Variants in CLIC5 observed in about 807,000 individuals in gnomAD.
CLIC5 encodes the protein chloride intracellular channel protein 5.
CLIC5 carries 20 observed loss-of-function variants against 24.7 expected under a neutral mutation model. That is an observed-to-expected ratio of 0.81 (90% CI 0.57 to 1.18). The LOEUF (loss-of-function observed/expected upper bound fraction) is 1.18. Ranked by LOEUF, CLIC5 falls within the 50% of genes most tolerant of loss-of-function variation. The pLI is 0.00. For synonymous variants in CLIC5, 159 were observed against 135.6 expected, an observed-to-expected ratio of 1.17 and a Z score of -1.20; for missense variants, 341 against 326.1, an observed-to-expected ratio of 1.05 and a Z score of -0.35.
At chr6:45,942,015 G>T (rs996271706) in intron 3 of CLIC5, among the ~76,000 whole-genome samples, 1 of 152,126 alleles carries the variant, frequency 6.6e-6, no homozygotes, top group Non-Finnish European at 1.5e-5. Flanking sequence ...ATCTGGTAGG[G>T]TTCTCAACAC....
the CLIC5 span, among the ~76,000 whole-genome samples, chr6:46,088,479 G>A: frequency 6.6e-6 from 1 of 152,014 alleles, no homozygotes; most frequent in East Asian, 1.9e-4. Flanking sequence ...TTTATATCAA[G>A]AAGATTTCTT....
chr6:45,927,595 G>A (rs1208685631), intron 4 of CLIC5, among the ~76,000 whole-genome samples: 2 of 152,144 alleles, frequency 1.3e-5, no homozygotes, highest in Non-Finnish European at 2.9e-5. Context: ...AACTTAAGAC[G>A]CTTATGCTCC....
chr6:46,030,524 C>T (rs116627795), intron 1 of CLIC5, among the ~76,000 whole-genome samples: 1,555 of 152,218 alleles, frequency 0.01, 13 homozygotes, highest in Non-Finnish European at 0.018. Flanking sequence ...GGTCACACCC[C>T]GCCCTTGCTC....
chr6:45,977,937 C>A (rs1765439087), intron 1 of CLIC5, among the ~76,000 whole-genome samples: 1 of 152,178 alleles, frequency 6.6e-6, no homozygotes. Context: ...CAGCGTCTTT[C>A]CCTGTAGCTT....
chr6:45,890,063 C>G (rs1294319657), intron 6 of CLIC5, among the ~76,000 whole-genome samples: 1 of 152,134 alleles, frequency 6.6e-6, no homozygotes, highest in African/African-American at 2.4e-5. Context: ...CATTCAAGTT[C>G]TTTGCCCATT....
In CLIC5 at chr6:46,006,728, T is replaced by A. The variant is rs563633917; in HGVS notation, c.63+8752A>T. 4.0e-5 allele frequency among the ~76,000 whole-genome samples: 6 copies of A among 150,212 alleles called. No individual in the cohort carries two copies. In the South Asian group the frequency reaches 1.1e-3, roughly 26 times the overall value. On this transcript the variant is annotated intron_variant, in intron 1 of 5. Transcript: ENST00000339561. ...GTCTTGCTCTGTCACCAGGCTGGAG[T>A]ACAGTGGTGCAAACTCAGCCCTCTG...
upstream of CLIC5, among the ~76,000 whole-genome samples, chr6:46,085,340 G>T (rs1763009789): frequency 2.0e-5 from 3 of 152,342 alleles, no homozygotes; most frequent in South Asian, 6.2e-4. Flanking sequence ...TTTGGAGGAG[G>T]AGAGGCGCTC....
the CLIC5 span, among the ~76,000 whole-genome samples, chr6:46,108,405 A>T: frequency 3.8e-5 from 5 of 132,402 alleles, no homozygotes; most frequent in Admixed American, 1.5e-4. Context: ...TGTGTGTGAG[A>T]GAGAGAGAGA....
chr6:45,888,032 A>G (rs1287599648), intron 6 of CLIC5, among the ~76,000 whole-genome samples: 1 of 152,256 alleles, frequency 6.6e-6, no homozygotes, highest in Non-Finnish European at 1.5e-5. Context: ...AATATAGTGT[A>G]TGACCCTAAA....
chr6:46,021,545 T>C (rs540890152), intron 1 of CLIC5, among the ~76,000 whole-genome samples: 63 of 152,054 alleles, frequency 4.1e-4, no homozygotes, highest in African/African-American at 1.4e-3. Context: ...TGTTCCTCAA[T>C]GGGTAAATGA....
chr6:46,059,737 A>G (rs1423368916), intron 1 of CLIC5, among the ~76,000 whole-genome samples: 1 of 152,220 alleles, frequency 6.6e-6, no homozygotes. Flanking sequence ...CACTGAGACT[A>G]AAGTCAGTTT....
In CLIC5 at chr6:45,902,727, G is replaced by T. The variant is rs909974854; in HGVS notation, c.*361C>A. On this transcript the variant is annotated 3_prime_UTR_variant, in exon 6 of 6. Transcript: ENST00000339561. ...GGAGAGGAGGGTAGAAAAGGAGTTG[G>T]TGTTGCATGTTTCTAAAGCATCTGA... is the stretch of plus-strand genomic sequence containing the variant. 5 of 239,974 alleles carry T rather than the reference G, an allele frequency of 2.1e-5. No individual in the cohort carries two copies. The highest frequency in any genetic ancestry group is 5.9e-5 in the South Asian group (1 of 17,032). 14.9% of individuals were successfully genotyped at this position (239,974 alleles called of 1,614,324 possible).
intron 1 of CLIC5, among the ~76,000 whole-genome samples, chr6:45,963,507 T>C (rs1231741340): frequency 2.0e-5 from 3 of 152,214 alleles, no homozygotes; most frequent in African/African-American, 4.8e-5. Context: ...TCCTCCTTTT[T>C]CTGGCATTTG....
chr6:46,014,191 A>G (rs910532748), intron 1 of CLIC5: 9 of 152,192 alleles, frequency 5.9e-5, no homozygotes, highest in Admixed American at 5.2e-4. Flanking sequence ...AATTTAACAA[A>G]CCTTTGTGGT....
At chr6:46,028,658 T>G (rs9472670) in intron 1 of CLIC5, among the ~76,000 whole-genome samples, 24,778 of 152,108 alleles carry the variant, frequency 0.16, 2,408 homozygotes, top group African/African-American at 0.27. Context: ...TTTGTTTTTA[T>G]AACAGTTTTA....
chr6:46,051,147 G>T (rs945817567), intron 1 of CLIC5, among the ~76,000 whole-genome samples: 1 of 152,128 alleles, frequency 6.6e-6, no homozygotes, highest in Non-Finnish European at 1.5e-5. Flanking sequence ...AGTGTTTACT[G>T]TCACTCTTTC....
chr6:46,087,231 T>A, the CLIC5 span, among the ~76,000 whole-genome samples: 1 of 152,172 alleles, frequency 6.6e-6, no homozygotes, highest in Non-Finnish European at 1.5e-5. Flanking sequence ...AATTCATCTA[T>A]GTTGTTTTAT....
the CLIC5 span, among the ~76,000 whole-genome samples, chr6:46,127,522 T>C: frequency 6.6e-6 from 1 of 152,236 alleles, no homozygotes. Context: ...ATGAATATTA[T>C]TTTGCCTACC....
At chr6:45,988,689 T>A (rs1765825396) in intron 1 of CLIC5, among the ~76,000 whole-genome samples, 1 of 152,188 alleles carries the variant, frequency 6.6e-6, no homozygotes, top group Admixed American at 6.5e-5. Context: ...AAGTTTAGAT[T>A]AAAATTAGAA....
Sources: gnomAD v4.1 joint callset for allele counts (sites outside exome capture counted in the v4.1 genomes callset) on GRCh38, gnomAD v4.1.1 for gene constraint, MANE v1.5 for transcripts, NCBI Gene and HGNC (gene_info 2026-07-23, HGNC 2026-07-21) for gene names.